The following PCDHA9 variants were observed in gnomAD, a reference collection of about 807,000 sequenced individuals.
PCDHA9 encodes the protein protocadherin alpha 9.
PCDHA9 carries 62 observed loss-of-function variants against 62.0 expected under a neutral mutation model. That is an observed-to-expected ratio of 1.00 (90% confidence interval 0.81 to 1.23). The LOEUF is 1.23. Ranked by LOEUF, PCDHA9 falls within the 50% of genes most tolerant of loss-of-function variation. The pLI, the probability that PCDHA9 is intolerant of heterozygous loss-of-function variation, is 0.00. For missense variants in PCDHA9, 1,205 were observed against 1,249.8 expected (o/e 0.96, Z 0.54); for synonymous variants, 557 against 567.6 (o/e 0.98, Z 0.27).
At chr5:140,985,129 G>T (rs545746675) in intron 3 of PCDHA9, among the ~76,000 whole-genome samples, 15 of 152,188 alleles carry the variant, frequency 9.9e-5, no homozygotes, top group Admixed American at 8.5e-4. Context: ...AGTAAAGACG[G>T]GGTTTCACCG....
chr5:140,854,460 A>G (rs2043130450), intron 1 of PCDHA9: 1 of 150,030 alleles, frequency 6.7e-6, no homozygotes, highest in Non-Finnish European at 1.5e-5. Context: ...GAGGCATTCC[A>G]GAGGAGTAGA....
At chr5:140,883,226 G>T (rs572696678) in intron 1 of PCDHA9, 82 of 1,613,938 alleles carry the variant, frequency 5.1e-5, no homozygotes, top group South Asian at 4.2e-4. Flanking sequence ...TGAAATATCC[G>T]TGGAGGCAGT....
At chr5:140,870,442 G>C (rs1562644426) in intron 1 of PCDHA9, 2 of 1,614,236 alleles carry the variant, frequency 1.2e-6, no homozygotes, top group Non-Finnish European at 1.7e-6. Context: ...GGTGGCCGAC[G>C]TGAACGACAA....
intron 3 of PCDHA9, among the ~76,000 whole-genome samples, chr5:140,985,992 G>A (rs1173402846): frequency 3.3e-5 from 5 of 152,068 alleles, no homozygotes; most frequent in African/African-American, 4.8e-5. Context: ...GCCCACCTCA[G>A]CCTCCCAAAG....
chr5:140,877,867 T>A lies in PCDHA9; in HGVS notation c.2394+26978T>A, dbSNP rs782120587. 4.7e-6 allele frequency: 7 copies of A among 1,490,888 alleles called. No individual in the cohort carries two copies. The Admixed American group carries it at 1.7e-4, about 37-fold the overall frequency. 92.4% of individuals were successfully genotyped at this position (1,490,888 alleles called of 1,614,324 possible). A position where few individuals can be genotyped will look rare whatever the true frequency, so the allele number is the denominator to read the frequency against. On this transcript the variant is annotated intron_variant, in intron 1 of 3. Coordinates refer to ENST00000532602, the MANE Select transcript of PCDHA9 (RefSeq NM_031857.2). ...AAGTTATTAATATTATTTAGATATA[T>A]TTGTTTCCTTGAAGAACTTCCGTTT...
rs1274160852 is a variant in PCDHA9, at chr5:140,922,009, TA to T, written c.2395-56933del. On this transcript the variant is annotated intron_variant, in intron 1 of 3. Coordinates refer to ENST00000532602, the MANE Select transcript of PCDHA9 (RefSeq NM_031857.2). ...AAAGAGTTCAATGAAATGATTAGTTTAAAAAAATAAATATAAAAAATGTAAT... is the reference window on the plus strand; with the variant it reads ...AAAGAGTTCAATGAAATGATTAGTTTAAAAAATAAATATAAAAAATGTAAT... 1.3e-5 allele frequency among the ~76,000 whole-genome samples: 2 copies of T among 152,076 alleles called. 1 individual carries two copies. The highest frequency in any genetic ancestry group is 4.8e-5 in the African/African-American group (2 of 41,508).
intron 3 of PCDHA9, 116 bp from the exon 4 acceptor site, chr5:141,009,511 G>A (rs2098410295): frequency 2.7e-5 from 41 of 1,498,054 alleles, no homozygotes; most frequent in Admixed American, 9.3e-5. Context: ...CAAACAACTC[G>A]TGATTTTTCT....
intron 1 of PCDHA9, chr5:140,860,566 A>G (rs1385735814): frequency 6.6e-6 from 1 of 152,224 alleles, no homozygotes; most frequent in Non-Finnish European, 1.5e-5. Context: ...GGTACTGATC[A>G]TACACAAGAA....
In PCDHA9 at chr5:140,972,962, A is replaced by G. The variant is rs550755148; in HGVS notation, c.2395-5987A>G. Among the ~76,000 whole-genome samples the G allele has an allele frequency of 1.5e-3, 231 of 152,144 alleles. 1 individual carries two copies. The highest frequency in any genetic ancestry group is 2.9e-3 in the Non-Finnish European group (194 of 67,976). ...CAGATGTGAGCCACCATGCCCGGCA[A>G]AGGAAACCAAATCTTAAGGTAGATT... On this transcript the variant is annotated intron_variant, in intron 1 of 3. Transcript: ENST00000532602.
intron 1 of PCDHA9, chr5:140,861,112 C>T (rs1554154163): frequency 2.0e-5 from 3 of 152,522 alleles, no homozygotes; most frequent in Admixed American, 6.5e-5. Flanking sequence ...TTAAAAACTA[C>T]AAACACCCAT....
chr5:140,875,961 C>G, intron 1 of PCDHA9: 1 of 1,614,004 alleles, frequency 6.2e-7, no homozygotes, highest in Non-Finnish European at 8.5e-7. Flanking sequence ...CGGATATCGG[C>G]GTAAACTCTC....
At chr5:140,876,101 T>C (rs2056113076) in intron 1 of PCDHA9, 1 of 1,613,984 alleles carries the variant, frequency 6.2e-7, no homozygotes, top group East Asian at 2.2e-5. Flanking sequence ...AAACTCAATT[T>C]ATTGCTGATG....
At chr5:140,858,992 T>C (rs1452375472) in intron 1 of PCDHA9, 1 of 151,532 alleles carries the variant, frequency 6.6e-6, no homozygotes, top group African/African-American at 2.4e-5. Context: ...AGTTCATTGG[T>C]AAAAATTTCT....
intron 1 of PCDHA9, among the ~76,000 whole-genome samples, chr5:140,916,789 C>T (rs146305877): frequency 2.8e-4 from 42 of 152,168 alleles, no homozygotes; most frequent in Non-Finnish European, 4.7e-4. Context: ...TTAGCTGCCC[C>T]AGCTGATGAC....
intron 3 of PCDHA9, among the ~76,000 whole-genome samples, chr5:140,996,923 A>G (rs1385919756): frequency 6.6e-6 from 1 of 152,230 alleles, no homozygotes; most frequent in Non-Finnish European, 1.5e-5. Flanking sequence ...ATATTAAAAA[A>G]TATAGCATTT....
At chr5:140,947,648 T>C (rs1476825159) in intron 1 of PCDHA9, among the ~76,000 whole-genome samples, 1 of 151,646 alleles carries the variant, frequency 6.6e-6, no homozygotes, top group Non-Finnish European at 1.5e-5. Context: ...TGAACATATA[T>C]ACCTCCATTT....
At chr5:140,906,736 A>G (rs1554192686) in intron 1 of PCDHA9, among the ~76,000 whole-genome samples, 1 of 152,132 alleles carries the variant, frequency 6.6e-6, no homozygotes, top group Admixed American at 6.5e-5. Context: ...GTAGTTTCCC[A>G]TTGACACAGG....
At chr5:140,955,163 TTTGG>T (rs1445630947) in intron 1 of PCDHA9, among the ~76,000 whole-genome samples, 2 of 152,184 alleles carry the variant, frequency 1.3e-5, no homozygotes, top group Admixed American at 6.5e-5. Flanking sequence ...ACCGTGCTGT[TTTGG>T]TTACTGTAGT....
rs782769711 is a variant in PCDHA9, at chr5:140,857,323, C to T, written c.2394+6434C>T. ...TGTCGGCCTATGAGCTGGTGGTGAC[C>T]GCGCGGGACGGGGGCTCGCCTCCGC... On this transcript the variant is annotated intron_variant, in intron 1 of 3. Coordinates refer to ENST00000532602, the MANE Select transcript of PCDHA9 (RefSeq NM_031857.2). The T allele has an allele frequency of 2.5e-6, 4 of 1,598,498 alleles. 1 individual carries two copies. Among genetic ancestry groups the T allele is most frequent in the Admixed American group, 1.7e-5 (1 of 59,312 alleles).
Sources: gnomAD v4.1 joint callset for allele counts (sites outside exome capture counted in the v4.1 genomes callset) on GRCh38, gnomAD v4.1.1 for gene constraint, MANE v1.5 for transcripts, NCBI Gene and HGNC (gene_info 2026-07-23, HGNC 2026-07-21) for gene names.